The following CROCC2 variants were observed in gnomAD, a reference collection of about 807,000 sequenced individuals.
CROCC2 encodes ciliary rootlet coiled-coil protein 2.
A neutral mutation model predicts 177.6 loss-of-function variants in CROCC2; 163 were observed. The ratio of observed to expected loss-of-function variants is 0.92; its 90% CI spans 0.81 to 1.05. The LOEUF (loss-of-function observed/expected upper bound fraction) is 1.05. CROCC2 is among the 50% of genes least tolerant of loss of function. CROCC2 has a pLI of 0.00. For missense variants in CROCC2, 1,929 were observed against 1,797.8 expected, an observed-to-expected ratio of 1.07 and a Z score of -1.32; for synonymous variants, 904 against 787.3, an observed-to-expected ratio of 1.15 and a Z score of -2.48.
intron 6 of CROCC2, 82 bp downstream of exon 6, chr2:240,930,351 C>T: frequency 2.2e-6 from 1 of 455,706 alleles, no homozygotes; most frequent in Non-Finnish European, 4.0e-6. Context: ...AAATCGGTGC[C>T]CAGGGCGGGC....
At chr2:240,981,317 C>G (rs1378650734) in intron 27 of CROCC2, among the ~76,000 whole-genome samples, 1 of 152,186 alleles carries the variant, frequency 6.6e-6, no homozygotes, top group Non-Finnish European at 1.5e-5. Flanking sequence ...CAGGCTCATC[C>G]CTGAGCACTC....
chr2:240,963,401 G>C, intron 20 of CROCC2, 155 bp from the exon 21 acceptor site: 1 of 752,882 alleles, frequency 1.3e-6, no homozygotes, highest in Non-Finnish European at 2.1e-6. Context: ...GCAGCACTAG[G>C]GATTGGTGGC....
At chr2:240,989,491 G>A (rs1334489541) in intron 29 of CROCC2, among the ~76,000 whole-genome samples, 163 bp from the exon 30 acceptor site, 1 of 152,222 alleles carries the variant, frequency 6.6e-6, no homozygotes, top group Non-Finnish European at 1.5e-5. Flanking sequence ...CTGAACATGT[G>A]CACCTAACCC....
chr2:240,951,358 C>T (rs2059555256), intron 18 of CROCC2, among the ~76,000 whole-genome samples: 4 of 150,612 alleles, frequency 2.7e-5, no homozygotes, highest in Admixed American at 2.6e-4. Context: ...CATCCACCTG[C>T]CCATCCATCC....
chr2:240,951,156 C>T (rs2059553613), intron 18 of CROCC2, among the ~76,000 whole-genome samples: 1 of 152,074 alleles, frequency 6.6e-6, no homozygotes, highest in Non-Finnish European at 1.5e-5. Context: ...TCCATACACT[C>T]ATCCACACAC....
At chr2:240,956,798 G>T (rs1277721392) in intron 19 of CROCC2, among the ~76,000 whole-genome samples, 2 of 152,228 alleles carry the variant, frequency 1.3e-5, no homozygotes, top group Non-Finnish European at 2.9e-5. Flanking sequence ...GAACGCCAAG[G>T]CTTCAGCCCA....
At chr2:240,913,136 C>T (rs913278551) in intron 1 of CROCC2, among the ~76,000 whole-genome samples, 5 of 152,186 alleles carry the variant, frequency 3.3e-5, no homozygotes, top group African/African-American at 1.2e-4. Flanking sequence ...GATCGTGTCC[C>T]ACAATCCTCC....
rs992661726 is a variant in CROCC2 at position 240,953,550 on chromosome 2, G to C, written c.2830-2309G>C. Among the ~76,000 whole-genome samples the C allele has an allele frequency of 1.3e-5, 2 of 152,176 alleles. No individual in the cohort carries two copies. The highest frequency in any genetic ancestry group is 1.3e-4 in the Admixed American group (2 of 15,286). On this transcript the variant is annotated intron_variant, in intron 18 of 31. Coordinates refer to ENST00000690015, the MANE Select transcript of CROCC2 (RefSeq NM_001351305.2). The surrounding 1 kb of genome is among the most constrained non-coding windows in gnomAD (Gnocchi z 4.0). ...GGGCACAGCACAGACGGGCTGGCCTGTGGGGAGCCCTTGCCGGTGCAGCAA... is the reference window on the plus strand; with the variant it reads ...GGGCACAGCACAGACGGGCTGGCCTCTGGGGAGCCCTTGCCGGTGCAGCAA...
intron 19 of CROCC2, 33 bp from the exon 20 acceptor site, chr2:240,959,268 C>A: frequency 6.5e-7 from 1 of 1,547,278 alleles, no homozygotes; most frequent in East Asian, 2.4e-5. Flanking sequence ...GCCCAGCTCC[C>A]TGGTGCCACC....
At chr2:240,968,315 C>G (rs1466225393) in intron 27 of CROCC2, 53 bp downstream of exon 27, 2 of 1,487,424 alleles carry the variant, frequency 1.3e-6, no homozygotes, top group Non-Finnish European at 1.8e-6. Context: ...CAAGGCCTCT[C>G]GGTCACCCTC....
At chr2:240,931,388 C>A (rs1269457274) in intron 7 of CROCC2, among the ~76,000 whole-genome samples, 2 of 152,186 alleles carry the variant, frequency 1.3e-5, no homozygotes, top group South Asian at 2.1e-4. Context: ...ACTGGGACTG[C>A]GTCCTGGGGG....
intron 20 of CROCC2, 104 bp downstream of exon 20, chr2:240,959,548 C>A (rs1203191625): frequency 7.2e-7 from 1 of 1,393,902 alleles, no homozygotes; most frequent in Non-Finnish European, 9.6e-7. Flanking sequence ...GAAAGAGAGG[C>A]TGTACCACAG....
chr2:240,921,800 C>T (rs1449846800), intron 3 of CROCC2, among the ~76,000 whole-genome samples: 1 of 152,254 alleles, frequency 6.6e-6, no homozygotes, highest in Non-Finnish European at 1.5e-5. Flanking sequence ...CCCCTTGGCT[C>T]TCCCATGCAT....
At chr2:240,962,478 A>G (rs1383469687) in intron 20 of CROCC2, among the ~76,000 whole-genome samples, 2 of 152,054 alleles carry the variant, frequency 1.3e-5, no homozygotes, top group Non-Finnish European at 2.9e-5. Flanking sequence ...CATGGCTCCC[A>G]CGTGTGGGGG....
chr2:240,944,156 G>A (rs2059509964), intron 14 of CROCC2, among the ~76,000 whole-genome samples: 1 of 152,064 alleles, frequency 6.6e-6, no homozygotes, highest in Non-Finnish European at 1.5e-5. Flanking sequence ...TCATCTTCTG[G>A]CCTTCATTGT....
chr2:240,918,679 G>A lies in CROCC2; in HGVS notation c.79-47G>A. The A allele has an allele frequency of 1.9e-6, 1 of 539,054 alleles. No homozygotes were observed. Among genetic ancestry groups the A allele is most frequent in the Non-Finnish European group, 3.3e-6 (1 of 299,418 alleles). 33.4% of individuals were successfully genotyped at this position (539,054 alleles called of 1,614,324 possible). A position where few individuals can be genotyped will look rare whatever the true frequency, so the allele number is the denominator to read the frequency against. On this transcript the variant is annotated intron_variant, in intron 1 of 31. Transcript: ENST00000690015. The surrounding 1 kb of genome is among the most constrained non-coding windows in gnomAD (Gnocchi z 6.3). The stretch of plus-strand genomic sequence containing the variant: ...GTGGGATCGTAGAGGGTGCCTGGCA[G>A]CTGTTGGGGGCTGCCATCTCCAGGT...
At chr2:240,991,050 T>G in intron 30 of CROCC2, 146 bp from the exon 31 acceptor site, 1 of 549,898 alleles carries the variant, frequency 1.8e-6, no homozygotes, top group Admixed American at 3.7e-5. Flanking sequence ...TGCCTGATGT[T>G]TCTGTCCCAT....
intron 4 of CROCC2, 41 bp downstream of exon 4, chr2:240,922,686 A>C: frequency 1.9e-6 from 1 of 538,340 alleles, no homozygotes; most frequent in Non-Finnish European, 3.4e-6. Flanking sequence ...CAGGAAGCAC[A>C]GCCATCCCCC....
chr2:240,944,749 T>C (rs1217735079), intron 14 of CROCC2, among the ~76,000 whole-genome samples: 1 of 152,226 alleles, frequency 6.6e-6, no homozygotes, highest in African/African-American at 2.4e-5. Flanking sequence ...AATATCTAGA[T>C]AACCAGGGTA....
Sources: allele counts gnomAD v4.1 joint callset (sites outside exome capture counted in the v4.1 genomes callset), GRCh38; gene constraint gnomAD v4.1.1; non-coding constraint Gnocchi (gnomAD v3.1); transcripts MANE v1.5; gene names NCBI Gene and HGNC (gene_info 2026-07-23, HGNC 2026-07-21).